PDZRN3: variants seen among roughly 807,000 people sequenced by gnomAD.
The protein encoded by PDZRN3 is PDZ domain containing ring finger 3, also known as E3 ubiquitin-protein ligase PDZRN3.
A neutral mutation model predicts 85.7 loss-of-function variants in PDZRN3; 38 were observed. That is an observed-to-expected ratio of 0.44 (90% CI 0.34 to 0.58). PDZRN3 has a LOEUF of 0.58. Ranked by LOEUF, PDZRN3 falls within the 20% of genes least tolerant of loss-of-function variation. PDZRN3 has a pLI of 0.01. For synonymous variants in PDZRN3, 759 were observed against 638.0 expected, an observed-to-expected ratio of 1.19 and a Z score of -2.86; for missense variants, 1,629 against 1,506.4, an observed-to-expected ratio of 1.08 and a Z score of -1.35.
chr3:73,495,606 G>T (rs1016052018), intron 3 of PDZRN3, among the ~76,000 whole-genome samples: 2 of 152,138 alleles, frequency 1.3e-5, no homozygotes, highest in African/African-American at 4.8e-5. Context: ...CACTTAGGAT[G>T]TTTCTGATTG....
intron 5 of PDZRN3, among the ~76,000 whole-genome samples, chr3:73,395,129 C>CTTT (rs1434647801): frequency 6.6e-6 from 1 of 152,166 alleles, no homozygotes; most frequent in Non-Finnish European, 1.5e-5. Flanking sequence ...CATTGAACTT[C>CTTT]GACAAACTTA....
chr3:73,446,169 T>C (rs1279674759), intron 3 of PDZRN3, among the ~76,000 whole-genome samples: 2 of 152,146 alleles, frequency 1.3e-5, no homozygotes, highest in African/African-American at 4.8e-5. Flanking sequence ...CACCTTTCAC[T>C]GCAGAGGGGT....
At chr3:73,464,856 G>T (rs1296692855) in intron 3 of PDZRN3, among the ~76,000 whole-genome samples, 3 of 151,828 alleles carry the variant, frequency 2.0e-5, no homozygotes, top group Admixed American at 6.6e-5. Context: ...TATCATAGTG[G>T]TCATTTTTGT....
At chr3:73,621,123 G>C (rs9852484) in intron 1 of PDZRN3, among the ~76,000 whole-genome samples, 103,895 of 152,116 alleles carry the variant, frequency 0.68, 35,739 homozygotes, top group African/African-American at 0.75. Flanking sequence ...GGGTGAGACT[G>C]AGGAATCTGT....
intron 1 of PDZRN3, among the ~76,000 whole-genome samples, chr3:73,612,852 G>A (rs1327439833): frequency 6.6e-6 from 1 of 152,194 alleles, no homozygotes; most frequent in Admixed American, 6.5e-5. Flanking sequence ...TAGGATGCAT[G>A]ACTGAGATAG....
At chr3:73,452,002 T>C (rs955962681) in intron 3 of PDZRN3, among the ~76,000 whole-genome samples, 1 of 152,162 alleles carries the variant, frequency 6.6e-6, no homozygotes. Context: ...CCAAACAGAA[T>C]CGAATCTTTA....
chr3:73,622,583 T>C (rs1369803888), intron 1 of PDZRN3, among the ~76,000 whole-genome samples: 2 of 152,134 alleles, frequency 1.3e-5, no homozygotes, highest in Admixed American at 6.5e-5. Context: ...ATTTGGATTG[T>C]CACGACTTGG....
At chr3:73,492,474 T>C (rs1703789963) in intron 3 of PDZRN3, among the ~76,000 whole-genome samples, 2 of 152,200 alleles carry the variant, frequency 1.3e-5, no homozygotes, top group Non-Finnish European at 2.9e-5. Flanking sequence ...GACTTAACAA[T>C]TATCCAAAGC....
chr3:73,585,204 G>C (rs1317134400), intron 3 of PDZRN3, among the ~76,000 whole-genome samples: 2 of 152,106 alleles, frequency 1.3e-5, no homozygotes, highest in African/African-American at 2.4e-5. Flanking sequence ...AAGTTTTAAA[G>C]TTTCTTAGCA....
At chr3:73,613,053 G>C (rs1049757325) in intron 1 of PDZRN3, among the ~76,000 whole-genome samples, 1 of 152,194 alleles carries the variant, frequency 6.6e-6, no homozygotes, top group African/African-American at 2.4e-5. Context: ...TTAGGCTAAA[G>C]CAAGTTTGGA....
intron 3 of PDZRN3, among the ~76,000 whole-genome samples, chr3:73,498,550 G>GA: frequency 6.6e-6 from 1 of 151,476 alleles, no homozygotes; most frequent in East Asian, 1.9e-4. Flanking sequence ...GCTAGCAGGA[G>GA]AAAGGGGGAG....
chr3:73,586,887 T>C (rs1039569667), intron 3 of PDZRN3, among the ~76,000 whole-genome samples: 4 of 152,202 alleles, frequency 2.6e-5, no homozygotes, highest in Admixed American at 2.0e-4. Flanking sequence ...GTTAATGCCA[T>C]CCAACTGCTG....
chr3:73,473,474 A>G (rs929612231), intron 3 of PDZRN3, among the ~76,000 whole-genome samples: 21 of 152,144 alleles, frequency 1.4e-4, no homozygotes, highest in Admixed American at 1.1e-3. Context: ...AGGAAAAAAA[A>G]AAACAGAAAT....
At chr3:73,525,911 C>A (rs539174802) in intron 3 of PDZRN3, among the ~76,000 whole-genome samples, 1 of 152,328 alleles carries the variant, frequency 6.6e-6, no homozygotes, top group African/African-American at 2.4e-5. Flanking sequence ...CGCTTCTGTC[C>A]TTTCCCCACT....
chr3:73,505,287 CCA>C (rs1326253072), intron 3 of PDZRN3, among the ~76,000 whole-genome samples: 1 of 152,100 alleles, frequency 6.6e-6, no homozygotes, highest in Non-Finnish European at 1.5e-5. Flanking sequence ...TGAGAAAACC[CCA>C]GTCCTTAAAG....
chr3:73,585,584 A>G (rs1702265587), intron 3 of PDZRN3, among the ~76,000 whole-genome samples: 1 of 152,156 alleles, frequency 6.6e-6, no homozygotes, highest in Admixed American at 6.5e-5. Context: ...AACCCTCAGA[A>G]AGTTCCACTG....
chr3:73,404,422 A>G, intron 3 of PDZRN3, 27 bp from the exon 4 acceptor site: 2 of 1,603,326 alleles, frequency 1.2e-6, no homozygotes, highest in East Asian at 2.2e-5. Context: ...AGGGTGGGAC[A>G]AGGTTAGAAT....
chr3:73,574,187 A>G (rs1480570569), intron 3 of PDZRN3, among the ~76,000 whole-genome samples: 1 of 152,206 alleles, frequency 6.6e-6, no homozygotes, highest in Non-Finnish European at 1.5e-5. Flanking sequence ...AAGGGAAAAA[A>G]TGTCAAACAT....
intron 5 of PDZRN3, among the ~76,000 whole-genome samples, chr3:73,393,116 C>T (rs1701562124): frequency 6.6e-6 from 1 of 152,096 alleles, no homozygotes; most frequent in Non-Finnish European, 1.5e-5. Flanking sequence ...TCCAACTGCA[C>T]AGATGTAGCT....
Sources: gnomAD v4.1 joint callset for allele counts (sites outside exome capture counted in the v4.1 genomes callset) on GRCh38, gnomAD v4.1.1 for gene constraint, MANE v1.5 for transcripts, NCBI Gene and HGNC (gene_info 2026-07-23, HGNC 2026-07-21) for gene names.